Variants in NAV3 observed in about 807,000 individuals in gnomAD.
NAV3 encodes pore membrane and/or filament interacting like protein 1.
NAV3 carries 87 observed loss-of-function variants against 244.7 expected under a neutral mutation model. The observed-to-expected ratio is 0.36, with a 90% confidence interval of 0.30 to 0.42. NAV3 has a LOEUF of 0.42. NAV3 is among the 20% of genes least tolerant of loss of function. The probability of loss-of-function intolerance (pLI) is 1.00; values close to 1 mark genes in which losing one functional copy is unlikely to be tolerated. For synonymous variants in NAV3, 1,126 were observed against 1,042.2 expected, an observed-to-expected ratio of 1.08 and a Z score of -1.55; for missense variants, 2,663 against 2,893.3, an observed-to-expected ratio of 0.92 and a Z score of 1.83.
At chr12:77,635,528 T>G (rs1169557219) in intron 2 of NAV3, among the ~76,000 whole-genome samples, 1 of 152,192 alleles carries the variant, frequency 6.6e-6, no homozygotes, top group African/African-American at 2.4e-5. Flanking sequence ...CAGCAATATA[T>G]GATTAAAATA....
At chr12:77,616,579 G>C (rs543042478) in intron 2 of NAV3, among the ~76,000 whole-genome samples, 32 of 152,172 alleles carry the variant, frequency 2.1e-4, no homozygotes, top group South Asian at 1.2e-3. Flanking sequence ...TACAGGTGAG[G>C]AAATTGGGCT....
chr12:77,728,522 CT>C (rs943982859), intron 2 of NAV3, among the ~76,000 whole-genome samples: 14 of 151,878 alleles, frequency 9.2e-5, no homozygotes, highest in African/African-American at 3.4e-4. Flanking sequence ...ATTTTCTACA[CT>C]GAGGAAATGG....
At chr12:78,179,472 C>A in intron 28 of NAV3, 57 bp from the exon 29 acceptor site, 1 of 1,604,154 alleles carries the variant, frequency 6.2e-7, no homozygotes, top group Non-Finnish European at 8.5e-7. Flanking sequence ...AGAGGCAGTG[C>A]TTTTCTTAAT....
intron 5 of NAV3, among the ~76,000 whole-genome samples, chr12:77,983,249 G>T (rs1269358536): frequency 6.6e-6 from 1 of 152,138 alleles, no homozygotes; most frequent in Non-Finnish European, 1.5e-5. Context: ...TGTGCTTTGG[G>T]CAGGGGAATA....
At chr12:77,992,244 A>G (rs1033509856) in intron 5 of NAV3, among the ~76,000 whole-genome samples, 1 of 152,230 alleles carries the variant, frequency 6.6e-6, no homozygotes, top group Admixed American at 6.5e-5. Context: ...TAGATAAGCA[A>G]TACAACATTT....
intron 37 of NAV3, among the ~76,000 whole-genome samples, chr12:78,199,805 A>C (rs774270590): frequency 2.9e-4 from 44 of 152,110 alleles, no homozygotes; most frequent in Admixed American, 5.9e-4. Context: ...ACTGGAAATG[A>C]ATAGTATCGA....
At chr12:77,992,888 G>T (rs1871688019) in intron 5 of NAV3, among the ~76,000 whole-genome samples, 2 of 152,136 alleles carry the variant, frequency 1.3e-5, no homozygotes, top group Admixed American at 1.3e-4. Context: ...GACCAACATG[G>T]TCAAATACAA....
At chr12:77,890,024 AC>A (rs1218388892) in intron 1 of NAV3, among the ~76,000 whole-genome samples, 2 of 152,330 alleles carry the variant, frequency 1.3e-5, no homozygotes, top group African/African-American at 4.8e-5. Flanking sequence ...TAACACAAAA[AC>A]CAGTAGGTGA....
At chr12:77,753,855 G>A (rs997961466) in intron 2 of NAV3, among the ~76,000 whole-genome samples, 2 of 152,080 alleles carry the variant, frequency 1.3e-5, no homozygotes, top group South Asian at 2.1e-4. Context: ...GTTGAAATAC[G>A]TTCAAAAATA....
At chr12:77,823,948 A>T (rs115196820) in intron 2 of NAV3, among the ~76,000 whole-genome samples, 1 of 152,352 alleles carries the variant, frequency 6.6e-6, no homozygotes, top group African/African-American at 2.4e-5. Flanking sequence ...ACTCCTAGAG[A>T]TGAAAAAGTA....
chr12:78,166,128 C>A (rs1957771766), intron 23 of NAV3, among the ~76,000 whole-genome samples: 1 of 151,868 alleles, frequency 6.6e-6, no homozygotes, highest in Admixed American at 6.6e-5. Flanking sequence ...AACAACTAAA[C>A]AAACTACATT....
chr12:78,051,222 A>C, intron 11 of NAV3, 75 bp downstream of exon 11: 1 of 1,494,116 alleles, frequency 6.7e-7, no homozygotes, highest in Non-Finnish European at 9.0e-7. Context: ...ACTATAAACA[A>C]ATGTGTAAGT....
At chr12:77,908,310 A>G (rs2137011294) in intron 1 of NAV3, among the ~76,000 whole-genome samples, 1 of 152,240 alleles carries the variant, frequency 6.6e-6, no homozygotes, top group African/African-American at 2.4e-5. Flanking sequence ...GCCTCAAGAA[A>G]GTATTGGAGC....
chr12:77,877,727 G>A (rs140387234), intron 1 of NAV3, among the ~76,000 whole-genome samples: 10 of 152,234 alleles, frequency 6.6e-5, no homozygotes, highest in African/African-American at 2.2e-4. Context: ...TACTCCTTAA[G>A]TGTGGGCTAT....
intron 12 of NAV3, among the ~76,000 whole-genome samples, chr12:78,089,484 C>A (rs2137979461): frequency 6.6e-6 from 1 of 152,174 alleles, no homozygotes; most frequent in East Asian, 1.9e-4. Flanking sequence ...TTAGGCTTAT[C>A]AAAAATATAC....
In NAV3 at chr12:77,958,544, A is replaced by G. The variant is rs375060180; in HGVS notation, c.415-7685A>G. On this transcript the variant is annotated intron_variant, in intron 3 of 39. Transcript: ENST00000397909. ...AAGAAAATAACAGTCCATTTGAAGA[A>G]TTACTCTAACAAAACTGTTTTTCTT... Among the ~76,000 whole-genome samples the G allele has an allele frequency of 2.3e-4, 35 of 152,278 alleles. No homozygotes were observed. In the East Asian group the frequency reaches 5.0e-3, roughly 22 times the overall value.
chr12:77,798,473 G>T (rs1181494338), intron 2 of NAV3, among the ~76,000 whole-genome samples: 1 of 151,966 alleles, frequency 6.6e-6, no homozygotes, highest in Non-Finnish European at 1.5e-5. Flanking sequence ...CAATTATGAA[G>T]AGTATTTGAT....
At chr12:77,584,145 T>C in intron 2 of NAV3, among the ~76,000 whole-genome samples, 1 of 152,220 alleles carries the variant, frequency 6.6e-6, no homozygotes, top group East Asian at 1.9e-4. Context: ...TTTGTATTTT[T>C]ACTCATGTAT....
chr12:77,971,832 A>G (rs866412685), intron 5 of NAV3, among the ~76,000 whole-genome samples: 3 of 152,306 alleles, frequency 2.0e-5, no homozygotes, highest in Non-Finnish European at 4.4e-5. Context: ...TTCTTAGGGC[A>G]CATTGTTTCA....
Sources: gnomAD v4.1 joint callset for allele counts (sites outside exome capture counted in the v4.1 genomes callset) on GRCh38, gnomAD v4.1.1 for gene constraint, MANE v1.5 for transcripts, NCBI Gene and HGNC (gene_info 2026-07-23, HGNC 2026-07-21) for gene names.